CCDC149: variants seen among roughly 807,000 people sequenced by gnomAD.
The protein encoded by CCDC149 is coiled-coil domain containing 149.
A neutral mutation model predicts 59.9 loss-of-function variants in CCDC149; 45 were observed. That is an observed-to-expected ratio of 0.75 (90% CI 0.59 to 0.96). CCDC149 has a LOEUF of 0.96. Ranked by LOEUF, CCDC149 falls within the 40% of genes least tolerant of loss-of-function variation. CCDC149 has a pLI of 0.00. For synonymous variants in CCDC149, 245 were observed against 260.6 expected (o/e 0.94, Z 0.58); for missense variants, 584 against 664.7 (o/e 0.88, Z 1.33).
intron 1 of CCDC149, 44 bp downstream of exon 1, chr4:24,912,773 C>A: frequency 8.3e-7 from 1 of 1,200,930 alleles, no homozygotes; most frequent in Non-Finnish European, 1.0e-6. Flanking sequence ...GGCTGGCGGC[C>A]GCTCGGCCCG....
intron 1 of CCDC149, among the ~76,000 whole-genome samples, chr4:24,939,626 C>A (rs907412474): frequency 3.3e-5 from 5 of 151,788 alleles, no homozygotes; most frequent in Admixed American, 6.6e-5. Context: ...AAACCAATGG[C>A]AAAGAAGTTA....
chr4:24,961,150 A>G (rs1577507991), intron 1 of CCDC149, among the ~76,000 whole-genome samples: 1 of 152,346 alleles, frequency 6.6e-6, no homozygotes, highest in East Asian at 1.9e-4. Flanking sequence ...AAAGGATTCT[A>G]GTTCATTGGA....
rs370782172 is a variant in CCDC149, at chr4:24,947,531, C to T, written c.-65+32538G>A. On this transcript the variant is annotated intron_variant, in intron 1 of 12. Transcript: ENST00000389609. ...ACGGACTAATACATGTAGAGAACTC[C>T]TCCCTCCTAACCTACAAAAAGTCAC... 2.6e-5 allele frequency among the ~76,000 whole-genome samples: 4 copies of T among 152,208 alleles called. No individual in the cohort carries two copies. The South Asian group carries it at 8.3e-4, about 32-fold the overall frequency.
At chr4:24,949,047 C>G (rs1277604458) in intron 1 of CCDC149, among the ~76,000 whole-genome samples, 1 of 152,196 alleles carries the variant, frequency 6.6e-6, no homozygotes, top group Non-Finnish European at 1.5e-5. Flanking sequence ...TCTGGTATGT[C>G]TTTATCAGCA....
intron 1 of CCDC149, among the ~76,000 whole-genome samples, chr4:24,953,084 C>T (rs1723362237): frequency 6.6e-6 from 1 of 152,112 alleles, no homozygotes; most frequent in South Asian, 2.1e-4. Flanking sequence ...CCCCCAGTAA[C>T]AGAACTTGCC....
chr4:24,865,544 G>A (rs1363103644), intron 3 of CCDC149, among the ~76,000 whole-genome samples: 2 of 152,122 alleles, frequency 1.3e-5, no homozygotes, highest in Admixed American at 6.5e-5. Flanking sequence ...ACAACCACCC[G>A]AGAGCTTATT....
At chr4:24,832,530 G>C (rs569445253) in intron 8 of CCDC149, among the ~76,000 whole-genome samples, 3 of 152,192 alleles carry the variant, frequency 2.0e-5, no homozygotes, top group Non-Finnish European at 2.9e-5. Flanking sequence ...CCATATGAGA[G>C]AGACCTGCCC....
chr4:24,834,901 A>C, intron 8 of CCDC149, 47 bp downstream of exon 8: 1 of 1,395,440 alleles, frequency 7.2e-7, no homozygotes, highest in Non-Finnish European at 1.0e-6. Context: ...TTGCAGCTCT[A>C]GTATTTTACG....
At chr4:24,830,322 GA>G (rs1043984567) in intron 9 of CCDC149, 3 of 152,258 alleles carry the variant, frequency 2.0e-5, no homozygotes, top group African/African-American at 4.8e-5. Flanking sequence ...CCTCCCCTGA[GA>G]AGCAACTGCA....
At chr4:24,933,942 G>A (rs2109343764) in intron 1 of CCDC149, among the ~76,000 whole-genome samples, 1 of 152,274 alleles carries the variant, frequency 6.6e-6, no homozygotes, top group South Asian at 2.1e-4. Flanking sequence ...CAACGATGCT[G>A]AAAGGTCCAA....
upstream of CCDC149, among the ~76,000 whole-genome samples, chr4:24,916,269 C>T (rs1722116460): frequency 6.6e-6 from 1 of 152,136 alleles, no homozygotes; most frequent in East Asian, 1.9e-4. Context: ...GAAGAAAGTA[C>T]TTAGTTGCTT....
intron 11 of CCDC149, 32 bp from the exon 12 acceptor site, chr4:24,820,007 A>G (rs1437218097): frequency 2.0e-6 from 3 of 1,489,976 alleles, no homozygotes; most frequent in Admixed American, 2.0e-5. Context: ...TGGATGTCTT[A>G]TATCATCAGT....
At chr4:24,971,258 G>A (rs1368682592) in intron 1 of CCDC149, among the ~76,000 whole-genome samples, 1 of 152,198 alleles carries the variant, frequency 6.6e-6, no homozygotes. Flanking sequence ...CTAGTAGTGA[G>A]TTGTTGCTCT....
At chr4:24,916,759 A>G (rs1722132186), upstream of CCDC149, among the ~76,000 whole-genome samples, 1 of 150,002 alleles carries the variant, frequency 6.7e-6, no homozygotes. Context: ...TGGGCAGAAA[A>G]TGATTCATAA....
intron 1 of CCDC149, among the ~76,000 whole-genome samples, chr4:24,942,203 C>A (rs898507578): frequency 3.3e-5 from 5 of 152,190 alleles, no homozygotes; most frequent in Non-Finnish European, 7.3e-5. Flanking sequence ...CCACCATGAT[C>A]AAGTGGGCTT....
At chr4:24,976,769 A>T (rs147661655) in intron 1 of CCDC149, among the ~76,000 whole-genome samples, 2 of 152,270 alleles carry the variant, frequency 1.3e-5, no homozygotes, top group East Asian at 3.9e-4. Flanking sequence ...GCGCTGGTAT[A>T]GTGTCCTTTC....
At chr4:24,971,127 G>C (rs1457900810) in intron 1 of CCDC149, among the ~76,000 whole-genome samples, 1 of 152,174 alleles carries the variant, frequency 6.6e-6, no homozygotes, top group African/African-American at 2.4e-5. Flanking sequence ...CCCTGCAAAG[G>C]GTCTCATGGG....
chr4:24,860,493 A>G (rs1247123148), intron 3 of CCDC149, among the ~76,000 whole-genome samples: 1 of 152,236 alleles, frequency 6.6e-6, no homozygotes, highest in Non-Finnish European at 1.5e-5. Flanking sequence ...CAAAAATTCT[A>G]TAAGATAGCA....
intron 4 of CCDC149, among the ~76,000 whole-genome samples, chr4:24,848,567 CAAATAAAT>C (rs565762293): frequency 2.2e-4 from 33 of 150,412 alleles, no homozygotes; most frequent in Admixed American, 1.1e-3. Context: ...GACTCCATCT[CAAATAAAT>C]AAATAAATAA....
Sources: gnomAD v4.1 joint callset for allele counts (sites outside exome capture counted in the v4.1 genomes callset) on GRCh38, gnomAD v4.1.1 for gene constraint, MANE v1.5 for transcripts, NCBI Gene and HGNC (gene_info 2026-07-23, HGNC 2026-07-21) for gene names.